SCRIB: variants seen among roughly 807,000 people sequenced by gnomAD.
SCRIB encodes the protein scribble planar cell polarity protein, also known as protein scribble homolog.
In SCRIB, 72 loss-of-function variants were observed where a neutral mutation model predicts 170.0. The ratio of observed to expected loss-of-function variants is 0.42; its 90% CI spans 0.35 to 0.52. The LOEUF (loss-of-function observed/expected upper bound fraction) is 0.52. Ranked by LOEUF, SCRIB falls within the 20% of genes least tolerant of loss-of-function variation. The pLI is 0.02. For synonymous variants in SCRIB, 1,298 were observed against 1,044.3 expected, an observed-to-expected ratio of 1.24 and a Z score of -4.68; for missense variants, 2,475 against 2,338.5, an observed-to-expected ratio of 1.06 and a Z score of -1.20.
intron 13 of SCRIB, 143 bp from the exon 14 acceptor site, chr8:143,809,861 T>TGCTCCCTGTCCCAGCC: frequency 1.1e-6 from 1 of 948,472 alleles, no homozygotes; most frequent in Non-Finnish European, 1.6e-6. Flanking sequence ...CCCTCGCAGC[T>TGCTCCCTGTCCCAGCC]GCTCCCTGTC....
Position 143,814,102 on chromosome 8 carries a change from A to C in SCRIB, c.176T>G (p.Leu59Arg). Reference protein sequence around the residue: ...RELPKPFFRLLNLRKLGLSDN... With the variant: ...RELPKPFFRLRNLRKLGLSDN... ...GCTCAGGCCCAGCTTGCGCAAGTTC[A>C]GCAGCCGGAAAAAAGGCTGTGGGCA... Residue 59 changes from leucine to arginine, a missense_variant, in exon 2 of 37, where the codon CTG (leucine) becomes CGG (arginine). Leu to Arg is a moderately radical substitution (Grantham distance 102). This residue lies in a region of SCRIB where 487 missense variants were observed against 558.1 expected (regional missense o/e 0.87). Transcript: ENST00000356994. 1.3e-6 allele frequency: 2 copies of C among 1,553,662 alleles called. No homozygotes were observed. Among genetic ancestry groups the C allele is most frequent in the Non-Finnish European group, 1.7e-6 (2 of 1,148,254 alleles).
chr8:143,813,772 G>A (rs781615404), intron 3 of SCRIB, 46 bp from the exon 4 acceptor site: 1 of 1,607,460 alleles, frequency 6.2e-7, no homozygotes, highest in Admixed American at 1.7e-5. Context: ...GTCCAGGGCT[G>A]TGGGACCCAT....
Position 143,809,019 on chromosome 8 carries a change from C to T in SCRIB, c.1705G>A (p.Val569Met), listed in dbSNP as rs762168536. The change falls in exon 15 of 37, where the codon GTG becomes ATG. Residue 569 changes from valine to methionine, a missense_variant. This residue lies in a region of SCRIB where 1,966 missense variants were observed against 1,742.9 expected (regional missense o/e 1.13). Coordinates refer to ENST00000356994, the MANE Select transcript of SCRIB (RefSeq NM_182706.5). ...DAEEDYQEPT[V>M]HFAEDALLPG... ...AGCAGTGCGTCCTCTGCGAAATGCA[C>T]CGTGGGCTGTGCGGACAAAAGGGTG... 1 of 1,610,384 alleles carries T rather than the reference C, an allele frequency of 6.2e-7. No individual in the cohort carries two copies. The highest frequency in any genetic ancestry group is 1.1e-5 in the South Asian group (1 of 90,872).
chr8:143,807,925 C>T lies in SCRIB; in HGVS notation c.2116-311G>A, dbSNP rs189785045. Among the ~76,000 whole-genome samples the T allele has an allele frequency of 3.2e-3, 486 of 152,284 alleles. 5 individuals carry two copies. Among genetic ancestry groups the T allele is most frequent in the African/African-American group, 0.011 (474 of 41,568 alleles). On this transcript the variant is annotated intron_variant, in intron 15 of 36. Coordinates refer to ENST00000356994, the MANE Select transcript of SCRIB (RefSeq NM_182706.5). Reference sequence around the variant, plus strand: ...CATCAAGGGCAGGGATAGTGAGACCCGGGGACTCCCCCTGGAATCTGAGTT... The same window carrying T: ...CATCAAGGGCAGGGATAGTGAGACCTGGGGACTCCCCCTGGAATCTGAGTT...
chr8:143,810,599 T>C lies in SCRIB; in HGVS notation c.1410A>G (p.Leu470=), dbSNP rs369221376. ...TGGGGTGAGGTGTGGCCCGGCGCTG[T>C]AGGCCCTGTTGTAGGGACAAGGATG... The part of the protein sequence containing the change: ...AEEAAAEKRG[L]QRRATPHPSE... The change falls in exon 13 of 37, where the codon CTA becomes CTG. Residue 470 remains leucine, a synonymous_variant. Transcript: ENST00000356994. 1.4e-3 allele frequency: 2,229 copies of C among 1,613,436 alleles called. 45 individuals are homozygous for C. The South Asian group carries it at 0.023, about 17-fold the overall frequency.
rs782780249 is a variant in SCRIB at position 143,806,387 on chromosome 8, C to T, written c.2346+20G>A. ...CAGAGGGCACAGCTGCCACTCGGGG[C>T]GGAGAGGTTGCCGACTCACCTCCAG... On this transcript the variant is annotated intron_variant, in intron 18 of 36. Coordinates refer to ENST00000356994, the MANE Select transcript of SCRIB (RefSeq NM_182706.5). 13 of 1,584,190 alleles carry T rather than the reference C, an allele frequency of 8.2e-6. No individual in the cohort carries two copies. The highest frequency in any genetic ancestry group is 5.7e-5 in the South Asian group (5 of 87,548).
intron 24 of SCRIB, among the ~76,000 whole-genome samples, chr8:143,802,853 C>T (rs1433764032): frequency 3.9e-5 from 6 of 152,228 alleles, no homozygotes; most frequent in Non-Finnish European, 7.3e-5. Flanking sequence ...GACGGACCAG[C>T]AGTTGGGCAG....
At chr8:143,809,973 C>T (rs1381131133) in intron 13 of SCRIB, among the ~76,000 whole-genome samples, 1 of 152,176 alleles carries the variant, frequency 6.6e-6, no homozygotes, top group East Asian at 1.9e-4. Context: ...CAAACAAGGA[C>T]CACACAAGTT....
intron 1 of SCRIB, 95 bp from the exon 2 acceptor site, chr8:143,814,213 A>AG: frequency 3.8e-6 from 4 of 1,046,350 alleles, no homozygotes; most frequent in Non-Finnish European, 5.7e-6. Context: ...AAGAGTCCCT[A>AG]GGCCTCTGTC....
intron 23 of SCRIB, 37 bp downstream of exon 23, chr8:143,803,610 G>C (rs781804208): frequency 6.4e-7 from 1 of 1,560,254 alleles, no homozygotes; most frequent in African/African-American, 1.4e-5. Context: ...CTGTTGGGGG[G>C]TGGGGCCCAG....
chr8:143,814,567 C>T (rs1488867726), intron 1 of SCRIB, among the ~76,000 whole-genome samples: 1 of 152,176 alleles, frequency 6.6e-6, no homozygotes, highest in Non-Finnish European at 1.5e-5. Context: ...GTGCTACGCG[C>T]GAGGCCTGCA....
rs1208512396 is a variant in SCRIB, at chr8:143,815,742, G to T, written c.-370C>A. 2.0e-6 allele frequency: 2 copies of T among 984,042 alleles called. No individual in the cohort carries two copies. The highest frequency in any genetic ancestry group is 2.4e-6 in the Non-Finnish European group (2 of 829,524). The allele number at this position is 984,042 out of a possible 1,614,324, so 61.0% of individuals were successfully genotyped here. ...GGACTGCCCCGCCGACACCCACCCG[G>T]CCGCCGCGCAGCCCGTCGGGAAGCC... On this transcript the variant is annotated 5_prime_UTR_variant, in exon 1 of 37. Coordinates refer to ENST00000356994, the MANE Select transcript of SCRIB (RefSeq NM_182706.5).
intron 8 of SCRIB, among the ~76,000 whole-genome samples, 173 bp from the exon 9 acceptor site, chr8:143,812,557 C>T (rs1369457828): frequency 6.6e-6 from 1 of 152,120 alleles, no homozygotes; most frequent in Non-Finnish European, 1.5e-5. Context: ...CAACCTCCTT[C>T]AAGAAAACAC....
At chr8:143,810,420 C>T in intron 13 of SCRIB, 59 bp downstream of exon 13, 1 of 1,583,900 alleles carries the variant, frequency 6.3e-7, no homozygotes, top group Non-Finnish European at 8.5e-7. Context: ...CCAGGATGGA[C>T]CGGACCACCA....
chr8:143,814,294 C>T (rs967587876), intron 1 of SCRIB, among the ~76,000 whole-genome samples, 176 bp from the exon 2 acceptor site: 9 of 152,130 alleles, frequency 5.9e-5, no homozygotes, highest in Admixed American at 1.3e-4. Flanking sequence ...AAGAAACACA[C>T]GGTACACACG....
intron 1 of SCRIB, 176 bp downstream of exon 1, chr8:143,815,038 G>C (rs1287160741): frequency 2.9e-6 from 2 of 699,830 alleles, no homozygotes; most frequent in East Asian, 3.4e-5. Flanking sequence ...GCTGCCACCT[G>C]CGCCAGCCAG....
intron 28 of SCRIB, chr8:143,793,618 G>C: frequency 2.4e-6 from 1 of 424,966 alleles, no homozygotes; most frequent in Non-Finnish European, 4.2e-6. Context: ...GGCCCTGGGA[G>C]GTGTTGGGCC....
intron 5 of SCRIB, 41 bp downstream of exon 5, chr8:143,813,428 TG>T: frequency 6.2e-7 from 1 of 1,612,608 alleles, no homozygotes; most frequent in Non-Finnish European, 8.5e-7. Context: ...CCCTGGGCTG[TG>T]GCCCTGCCCT....
At position 143,793,419 on chromosome 8, in the gene SCRIB, G is replaced by C. The variant is rs111525001; in HGVS notation, c.3910-336C>G. 5.3e-3 allele frequency: 1,631 copies of C among 310,020 alleles called. 20 individuals are homozygous for C. The highest frequency in any genetic ancestry group is 0.03 in the African/African-American group (1,380 of 46,708). The allele number at this position is 310,020 out of a possible 1,614,324, so 19.2% of individuals were successfully genotyped here. A position where few individuals can be genotyped will look rare whatever the true frequency, so the allele number is the denominator to read the frequency against. ...TAAGGCAAGGGACGGGGGTAGAGAG[G>C]GGGGTGGGAGAGACAGAGAGAGAGA... On this transcript the variant is annotated intron_variant, in intron 28 of 36. Transcript: ENST00000356994.
Sources: gnomAD v4.1 joint callset for allele counts (sites outside exome capture counted in the v4.1 genomes callset) on GRCh38, gnomAD v4.1.1 for gene constraint, gnomAD v4.1.1 regional missense constraint, MANE v1.5 for transcripts, NCBI Gene and HGNC (gene_info 2026-07-23, HGNC 2026-07-21) for gene names.